The following TAB2 variants were observed in gnomAD, a reference collection of about 807,000 sequenced individuals.
TAB2 encodes the protein TGF-beta activated kinase 1 (MAP3K7) binding protein 2.
Under a neutral mutation model 65.0 loss-of-function variants are expected in TAB2, and 3 were observed. The observed-to-expected ratio is 0.05, with a 90% CI of 0.02 to 0.12. The LOEUF is 0.12. TAB2 is among the 10% of genes least tolerant of loss of function. The pLI is 1.00. For synonymous variants in TAB2, 298 were observed against 285.1 expected, an observed-to-expected ratio of 1.05 and a Z score of -0.46; for missense variants, 623 against 840.3, an observed-to-expected ratio of 0.74 and a Z score of 3.20.
intron 1 of TAB2, among the ~76,000 whole-genome samples, chr6:149,331,250 G>A: frequency 6.6e-6 from 1 of 151,936 alleles, no homozygotes; most frequent in East Asian, 1.9e-4. Context: ...GCATTTTTTA[G>A]TTTCTAGCAT....
intron 6 of TAB2, among the ~76,000 whole-genome samples, chr6:149,404,421 C>T (rs1782591721): frequency 6.6e-6 from 1 of 152,060 alleles, no homozygotes; most frequent in Non-Finnish European, 1.5e-5. Context: ...ACATCCTTTA[C>T]AGAAACAGAA....
At chr6:149,400,751 A>T in intron 6 of TAB2, 2 of 1,530,392 alleles carry the variant, frequency 1.3e-6, no homozygotes, top group Non-Finnish European at 1.8e-6. Flanking sequence ...TCAATTAGAA[A>T]ACTGCAATTT....
chr6:149,344,626 G>A (rs536264494), intron 1 of TAB2, among the ~76,000 whole-genome samples: 1 of 152,126 alleles, frequency 6.6e-6, no homozygotes, highest in Non-Finnish European at 1.5e-5. Context: ...AGATGAAGGA[G>A]TTTGGACTTT....
At chr6:149,322,596 C>T (rs940048406) in intron 1 of TAB2, among the ~76,000 whole-genome samples, 1 of 152,110 alleles carries the variant, frequency 6.6e-6, no homozygotes, top group Non-Finnish European at 1.5e-5. Context: ...GTTAGCTTCT[C>T]TGAGCTTGTT....
intron 6 of TAB2, chr6:149,400,919 T>C (rs879136751): frequency 2.0e-6 from 1 of 494,500 alleles, no homozygotes; most frequent in Non-Finnish European, 3.6e-6. Flanking sequence ...TTGATTGACA[T>C]CAAGTGGAGA....
At chr6:149,299,084 C>T (rs1390298199) in intron 1 of TAB2, among the ~76,000 whole-genome samples, 4 of 151,988 alleles carry the variant, frequency 2.6e-5, no homozygotes, top group Admixed American at 1.3e-4. Flanking sequence ...AACTATTAAC[C>T]GTTTTATATA....
intron 3 of TAB2, chr6:149,380,119 A>G: frequency 3.2e-6 from 1 of 315,830 alleles, no homozygotes; most frequent in Non-Finnish European, 6.1e-6. Context: ...ACACACCTGT[A>G]GTCCCAGTTA....
intron 1 of TAB2, among the ~76,000 whole-genome samples, chr6:149,319,365 G>T (rs1016653093): frequency 3.9e-5 from 6 of 152,020 alleles, no homozygotes; most frequent in Non-Finnish European, 7.4e-5. Flanking sequence ...AACTTTTGAC[G>T]GTTTGAAACT....
At chr6:149,359,021 T>C (rs1420718508) in intron 1 of TAB2, among the ~76,000 whole-genome samples, 1 of 152,158 alleles carries the variant, frequency 6.6e-6, no homozygotes. Flanking sequence ...CTTATTGTTA[T>C]GATTTCCTTT....
rs537551378 is a variant in TAB2, at chr6:149,300,260, CTT to C, written c.-120-77757_-120-77756del. On this transcript the variant is annotated intron_variant, in intron 1 of 1. Transcript: ENST00000606202. ...TCTGATTTTAAAAAATTTTAAAGCT[CTT>C]GTTTGTATGTTTGATTCTAATAAAA... Among the ~76,000 whole-genome samples the C allele has an allele frequency of 2.3e-3, 354 of 152,178 alleles. 1 individual carries two copies. Among genetic ancestry groups the C allele is most frequent in the African/African-American group, 8.1e-3 (338 of 41,532 alleles).
chr6:149,330,725 G>A (rs1469183821), intron 1 of TAB2, among the ~76,000 whole-genome samples: 2 of 152,088 alleles, frequency 1.3e-5, no homozygotes, highest in East Asian at 3.8e-4. Context: ...CCTAGTATGT[G>A]GCATGTCTTT....
intron 1 of TAB2, among the ~76,000 whole-genome samples, chr6:149,233,908 C>T (rs1227145493): frequency 6.6e-6 from 1 of 152,194 alleles, no homozygotes; most frequent in African/African-American, 2.4e-5. Flanking sequence ...CAACCCTCCC[C>T]AAATGCTGTT....
At chr6:149,284,379 C>A (rs2114688424) in intron 1 of TAB2, among the ~76,000 whole-genome samples, 1 of 152,268 alleles carries the variant, frequency 6.6e-6, no homozygotes, top group South Asian at 2.1e-4. Flanking sequence ...TCCTGTCTTT[C>A]TTATATTTCC....
chr6:149,381,590 T>TG (rs1583143577), intron 3 of TAB2, among the ~76,000 whole-genome samples: 16 of 146,236 alleles, frequency 1.1e-4, no homozygotes, highest in East Asian at 4.2e-4. Flanking sequence ...TTTTTTTTTT[T>TG]TGGGACAGGG....
chr6:149,264,849 C>G (rs1396223141), intron 1 of TAB2, among the ~76,000 whole-genome samples: 2 of 152,238 alleles, frequency 1.3e-5, no homozygotes, highest in Non-Finnish European at 2.9e-5. Context: ...GTACCGGCAG[C>G]ACTGGCTTCA....
chr6:149,248,158 G>A (rs9498268), intron 1 of TAB2, among the ~76,000 whole-genome samples: 2 of 152,280 alleles, frequency 1.3e-5, no homozygotes, highest in South Asian at 2.1e-4. Flanking sequence ...TTGGGAGGCC[G>A]AGGTGAGTGG....
At chr6:149,257,499 T>C (rs536690031) in intron 1 of TAB2, 1 of 152,140 alleles carries the variant, frequency 6.6e-6, no homozygotes, top group Non-Finnish European at 1.5e-5. Flanking sequence ...CCTCAGTGTA[T>C]GGACCGAATG....
chr6:149,237,983 G>A (rs77010345), intron 1 of TAB2, among the ~76,000 whole-genome samples: 2,738 of 152,252 alleles, frequency 0.018, 83 homozygotes, highest in African/African-American at 0.062. Flanking sequence ...CACACTCAGC[G>A]TTCCCATAGC....
intron 1 of TAB2, among the ~76,000 whole-genome samples, chr6:149,335,807 G>C (rs761489055): frequency 6.6e-6 from 1 of 151,698 alleles, no homozygotes; most frequent in Non-Finnish European, 1.5e-5. Flanking sequence ...GTATTCTTAG[G>C]TAGTAAGTAC....
Sources: allele counts gnomAD v4.1 joint callset (sites outside exome capture counted in the v4.1 genomes callset), GRCh38; gene constraint gnomAD v4.1.1; transcripts MANE v1.5; gene names NCBI Gene and HGNC (gene_info 2026-07-23, HGNC 2026-07-21).